The following ATP9B variants were observed in gnomAD, a reference collection of about 807,000 sequenced individuals.
ATP9B encodes the protein probable phospholipid-transporting ATPase IIB.
A neutral mutation model predicts 146.1 loss-of-function variants in ATP9B; 110 were observed. The observed-to-expected ratio is 0.75, with a 90% CI of 0.65 to 0.88. The LOEUF (loss-of-function observed/expected upper bound fraction) is 0.88. Among genes scored for constraint, ATP9B ranks in the 40% least tolerant of loss-of-function variants. The pLI is 0.00. For missense variants in ATP9B, 1,499 were observed against 1,496.4 expected, an observed-to-expected ratio of 1.00 and a Z score of -0.03; for synonymous variants, 604 against 569.7, an observed-to-expected ratio of 1.06 and a Z score of -0.86.
intron 12 of ATP9B, among the ~76,000 whole-genome samples, chr18:79,255,738 A>C (rs1406548213): frequency 1.3e-5 from 2 of 152,316 alleles, no homozygotes; most frequent in East Asian, 1.9e-4. Context: ...TCTGGTTCTC[A>C]GTAGCTCCAC....
chr18:79,172,701 A>G (rs1158834815), intron 7 of ATP9B, among the ~76,000 whole-genome samples: 1 of 152,290 alleles, frequency 6.6e-6, no homozygotes, highest in Non-Finnish European at 1.5e-5. Flanking sequence ...GTTGTTGTAT[A>G]TGTCAATAGT....
chr18:79,152,764 C>T (rs548166989), intron 6 of ATP9B, among the ~76,000 whole-genome samples: 2 of 152,254 alleles, frequency 1.3e-5, no homozygotes, highest in Admixed American at 6.5e-5. Flanking sequence ...CATCCCCTGA[C>T]GGTACTGGGT....
intron 12 of ATP9B, among the ~76,000 whole-genome samples, chr18:79,258,269 C>T (rs1184605199): frequency 6.6e-6 from 1 of 151,888 alleles, no homozygotes; most frequent in Admixed American, 6.6e-5. Context: ...CTCCAAAAAA[C>T]AAAAACAAAA....
Position 79,311,083 on chromosome 18 carries a change from C to T in ATP9B, c.1773+3849C>T, listed in dbSNP as rs566477884. ...AGGAGAATTGCTTGAACCCAGGAGGCGGAGGTTGCAGTGAGCCAGGATCAC... is the reference window on the plus strand; with the variant it reads ...AGGAGAATTGCTTGAACCCAGGAGGTGGAGGTTGCAGTGAGCCAGGATCAC... On this transcript the variant is annotated intron_variant, in intron 15 of 29. Coordinates refer to ENST00000426216, the MANE Select transcript of ATP9B (RefSeq NM_198531.5). Among the ~76,000 whole-genome samples the T allele has an allele frequency of 3.6e-4, 54 of 151,770 alleles. No homozygotes were observed. In the East Asian group the frequency reaches 9.3e-3, roughly 26 times the overall value.
In ATP9B at chr18:79,337,391, A is replaced by G; in HGVS notation, c.2225A>G (p.Asp742Gly). The G allele has an allele frequency of 6.2e-7, 1 of 1,613,932 alleles. No individual in the cohort carries two copies. Among genetic ancestry groups the G allele is most frequent in the Non-Finnish European group, 8.5e-7 (1 of 1,180,026 alleles). The change falls in exon 19 of 30, where the codon GAC (aspartate) becomes GGC (glycine). Residue 742 changes from aspartate to glycine, a missense_variant. Coordinates refer to ENST00000426216, the MANE Select transcript of ATP9B (RefSeq NM_198531.5). ...MELLCLTGVE[D>G]QLQADVRPTL... ...CTGCTGTGCCTCACCGGCGTGGAGG[A>G]CCAGCTGCAGGCAGACGTGCGGCCC...
chr18:79,172,931 A>G (rs1161278760), intron 7 of ATP9B, among the ~76,000 whole-genome samples: 4 of 152,120 alleles, frequency 2.6e-5, no homozygotes, highest in Non-Finnish European at 5.9e-5. Flanking sequence ...TGGTCATTCT[A>G]TGCTTATTTT....
chr18:79,361,173 C>T (rs2147851032), intron 26 of ATP9B: 1 of 152,328 alleles, frequency 6.6e-6, no homozygotes, highest in Admixed American at 6.5e-5. Flanking sequence ...AGAAACTTGT[C>T]ATAGGACTGT....
rs567912758 is a variant in ATP9B at position 79,269,234 on chromosome 18, G to C, written c.1269-7820G>C. Among the ~76,000 whole-genome samples, 33 of 152,292 alleles carry C rather than the reference G, an allele frequency of 2.2e-4. 1 individual carries two copies. Among genetic ancestry groups the C allele is most frequent in the African/African-American group, 7.9e-4 (33 of 41,570 alleles). ...CACGCGGGACATGAGGTCAGGGCTT[G>C]GTCACTGTCCTCGCCACACCTTTGT... is the stretch of plus-strand genomic sequence containing the variant. On this transcript the variant is annotated intron_variant, in intron 12 of 29. Coordinates refer to ENST00000426216, the MANE Select transcript of ATP9B (RefSeq NM_198531.5).
At chr18:79,348,764 C>T (rs531295847) in intron 25 of ATP9B, among the ~76,000 whole-genome samples, 1 of 152,358 alleles carries the variant, frequency 6.6e-6, no homozygotes, top group South Asian at 2.1e-4. Flanking sequence ...GGTGGATCAC[C>T]TGAGGTCAGG....
chr18:79,166,978 G>A (rs1391255128), intron 7 of ATP9B, among the ~76,000 whole-genome samples: 1 of 152,112 alleles, frequency 6.6e-6, no homozygotes, highest in East Asian at 1.9e-4. Flanking sequence ...TCCAGGTGCC[G>A]GCTCTGTGTG....
intron 11 of ATP9B, among the ~76,000 whole-genome samples, chr18:79,218,445 C>T (rs1401960236): frequency 6.9e-6 from 1 of 144,448 alleles, no homozygotes; most frequent in Non-Finnish European, 1.5e-5. Flanking sequence ...TTCCTTGTCT[C>T]ACGCAGGCTG....
At chr18:79,186,800 A>C (rs2095312162) in intron 8 of ATP9B, among the ~76,000 whole-genome samples, 2 of 152,364 alleles carry the variant, frequency 1.3e-5, no homozygotes, top group South Asian at 4.1e-4. Flanking sequence ...CCCTTCCTGC[A>C]GCCTCTGTTC....
At chr18:79,218,789 A>G (rs1424119239) in intron 11 of ATP9B, among the ~76,000 whole-genome samples, 1 of 152,246 alleles carries the variant, frequency 6.6e-6, no homozygotes, top group Non-Finnish European at 1.5e-5. Context: ...TTTGCGAGCG[A>G]GTGATATGGG....
intron 12 of ATP9B, among the ~76,000 whole-genome samples, chr18:79,271,104 T>G (rs192413424): frequency 6.6e-6 from 1 of 152,284 alleles, no homozygotes; most frequent in East Asian, 1.9e-4. Context: ...GGTACTCAGC[T>G]TACTCTTCCG....
At chr18:79,204,751 G>C (rs141718605) in intron 9 of ATP9B, among the ~76,000 whole-genome samples, 1 of 152,202 alleles carries the variant, frequency 6.6e-6, no homozygotes, top group Non-Finnish European at 1.5e-5. Context: ...CATCCAGGCT[G>C]TGTCTGCAGG....
intron 4 of ATP9B, 125 bp downstream of exon 4, chr18:79,113,479 C>A: frequency 3.2e-6 from 2 of 616,982 alleles, no homozygotes; most frequent in Non-Finnish European, 5.4e-6. Context: ...GTTCACTGAA[C>A]TTCTGTTAAA....
chr18:79,103,202 T>C (rs2075405018), intron 2 of ATP9B, among the ~76,000 whole-genome samples: 1 of 152,102 alleles, frequency 6.6e-6, no homozygotes. Context: ...TATTGCAGCA[T>C]TAAGCAGATA....
intron 7 of ATP9B, among the ~76,000 whole-genome samples, chr18:79,168,629 C>T (rs553382506): frequency 6.6e-6 from 1 of 152,216 alleles, no homozygotes; most frequent in African/African-American, 2.4e-5. Context: ...ATGACTGGCA[C>T]TTCATAAGTA....
chr18:79,368,490 G>A lies in ATP9B; in HGVS notation c.3013-4335G>A, dbSNP rs866161406. On this transcript the variant is annotated intron_variant, in intron 26 of 29. Transcript: ENST00000426216. Reference sequence around the variant, plus strand: ...CTGCGCCTGGCCCTGGCCCAGTTGCGAGCACTCTGTGGCAGCAAGTCCACC... The same window carrying A: ...CTGCGCCTGGCCCTGGCCCAGTTGCAAGCACTCTGTGGCAGCAAGTCCACC... Among the ~76,000 whole-genome samples, 8 of 152,310 alleles carry A rather than the reference G, an allele frequency of 5.3e-5. No homozygotes were observed. In the South Asian group the frequency reaches 1.0e-3, roughly 20 times the overall value.
Sources: gnomAD v4.1 joint callset for allele counts (sites outside exome capture counted in the v4.1 genomes callset) on GRCh38, gnomAD v4.1.1 for gene constraint, MANE v1.5 for transcripts, NCBI Gene and HGNC (gene_info 2026-07-23, HGNC 2026-07-21) for gene names.